RBFOX1: variants seen among roughly 807,000 people sequenced by gnomAD.
RBFOX1 encodes RNA binding fox-1 homolog 1.
In RBFOX1, 8 loss-of-function variants were observed where a neutral mutation model predicts 57.7. The ratio of observed to expected loss-of-function variants is 0.14; its 90% CI spans 0.08 to 0.25. The LOEUF is 0.25. RBFOX1 is among the 10% of genes least tolerant of loss of function. The probability of loss-of-function intolerance (pLI) is 1.00; values close to 1 mark genes in which losing one functional copy is unlikely to be tolerated. For synonymous variants in RBFOX1, 326 were observed against 222.4 expected, an observed-to-expected ratio of 1.47 and a Z score of -4.15; for missense variants, 611 against 548.5, an observed-to-expected ratio of 1.11 and a Z score of -1.14.
chr16:6,719,405 A>C (rs1178913831), intron 3 of RBFOX1, among the ~76,000 whole-genome samples: 2 of 151,994 alleles, frequency 1.3e-5, no homozygotes, highest in African/African-American at 4.8e-5. Flanking sequence ...TAATAGTTTA[A>C]AAGTTTTAAA....
At chr16:6,004,886 A>G (rs1246222341) in intron 4 of RBFOX1, among the ~76,000 whole-genome samples, 2 of 152,178 alleles carry the variant, frequency 1.3e-5, no homozygotes, top group African/African-American at 2.4e-5. Context: ...TGATGTGTGC[A>G]TTTCTTAGTC....
rs574311373 is a variant in RBFOX1 at position 6,259,341 on chromosome 16, G to A, written c.-126-57654G>A. 2.6e-5 allele frequency among the ~76,000 whole-genome samples: 4 copies of A among 152,198 alleles called. No individual in the cohort carries two copies. In the South Asian group the frequency reaches 8.3e-4, roughly 32 times the overall value. ...CTCTCCTCTCTAGCCGTTAGGCAGAGTTCAATAACTGATGTCTTGAAAAAC... is the reference window on the plus strand; with the variant it reads ...CTCTCCTCTCTAGCCGTTAGGCAGAATTCAATAACTGATGTCTTGAAAAAC... On this transcript the variant is annotated intron_variant, in intron 1 of 15. Coordinates refer to ENST00000550418, the MANE Select transcript of RBFOX1 (RefSeq NM_018723.4).
At chr16:6,622,935 T>G (rs1056330142) in intron 2 of RBFOX1, among the ~76,000 whole-genome samples, 1 of 152,210 alleles carries the variant, frequency 6.6e-6, no homozygotes, top group African/African-American at 2.4e-5. Context: ...TGCACTTAAT[T>G]CTCTCAGGGT....
intron 2 of RBFOX1, among the ~76,000 whole-genome samples, chr16:6,487,471 A>T (rs1401527839): frequency 6.6e-6 from 1 of 151,510 alleles, no homozygotes; most frequent in Non-Finnish European, 1.5e-5. Flanking sequence ...TTGTAACATA[A>T]TTTTGTGCTT....
intron 4 of RBFOX1, among the ~76,000 whole-genome samples, chr16:7,052,664 C>T (rs772941598): frequency 5.9e-5 from 9 of 152,152 alleles, no homozygotes; most frequent in South Asian, 2.1e-4. Context: ...TCAGGCATAT[C>T]GGTGTAAGAA....
intron 1 of RBFOX1, among the ~76,000 whole-genome samples, chr16:6,158,338 G>T (rs1314008483): frequency 1.3e-5 from 2 of 152,184 alleles, no homozygotes; most frequent in African/African-American, 2.4e-5. Context: ...AGGCTGTTTT[G>T]TTCTGTGTCA....
chr16:7,043,039 C>T (rs541975837), intron 3 of RBFOX1, among the ~76,000 whole-genome samples: 24 of 143,962 alleles, frequency 1.7e-4, no homozygotes, highest in Non-Finnish European at 3.1e-4. Flanking sequence ...TTCCATCCTC[C>T]ACCCCCCACA....
At chr16:5,700,074 T>C (rs1039089941) in intron 3 of RBFOX1, among the ~76,000 whole-genome samples, 21 of 152,160 alleles carry the variant, frequency 1.4e-4, no homozygotes, top group South Asian at 4.1e-4. Context: ...CCTCATGATC[T>C]GCCCGCCTTG....
At chr16:5,515,778 G>C (rs765295530) in intron 2 of RBFOX1, among the ~76,000 whole-genome samples, 16 of 152,166 alleles carry the variant, frequency 1.1e-4, no homozygotes, top group Non-Finnish European at 2.2e-4. Context: ...CTCTTGAAAA[G>C]TACCATGCCA....
chr16:6,069,871 C>T (rs1416533295), intron 1 of RBFOX1, among the ~76,000 whole-genome samples: 1 of 151,946 alleles, frequency 6.6e-6, no homozygotes, highest in Non-Finnish European at 1.5e-5. Flanking sequence ...CCTGTAATCC[C>T]AGCTATTCGG....
intron 1 of RBFOX1, among the ~76,000 whole-genome samples, chr16:6,259,679 C>T (rs1347560228): frequency 5.3e-5 from 8 of 152,010 alleles, no homozygotes; most frequent in Non-Finnish European, 7.4e-5. Flanking sequence ...ACACTGGGGC[C>T]GGGTGCAGTG....
chr16:7,467,688 A>C (rs2060778330), intron 4 of RBFOX1, among the ~76,000 whole-genome samples: 1 of 152,194 alleles, frequency 6.6e-6, no homozygotes, highest in Non-Finnish European at 1.5e-5. Flanking sequence ...ACCTACAGAA[A>C]AGTGGGGATA....
intron 2 of RBFOX1, among the ~76,000 whole-genome samples, chr16:6,544,059 C>T (rs1474220907): frequency 6.6e-6 from 1 of 152,214 alleles, no homozygotes; most frequent in East Asian, 1.9e-4. Flanking sequence ...TTCTAGGTGT[C>T]TGTCTTGTGT....
At chr16:6,172,392 C>G (rs77603804) in intron 1 of RBFOX1, among the ~76,000 whole-genome samples, 4 of 152,280 alleles carry the variant, frequency 2.6e-5, no homozygotes, top group East Asian at 1.9e-4. Context: ...TGCTTCATCT[C>G]TCGTTTACAG....
intron 2 of RBFOX1, among the ~76,000 whole-genome samples, chr16:6,371,420 C>G (rs919667907): frequency 1.2e-4 from 18 of 152,040 alleles, no homozygotes; most frequent in Non-Finnish European, 2.5e-4. Context: ...TGTTTTTATT[C>G]TATGAACTAC....
intron 14 of RBFOX1, among the ~76,000 whole-genome samples, chr16:7,698,725 A>G (rs1216292825): frequency 1.3e-5 from 2 of 152,154 alleles, no homozygotes; most frequent in Non-Finnish European, 2.9e-5. Flanking sequence ...CATTTCCAAT[A>G]AAGTGTGATA....
chr16:7,032,540 C>T lies in RBFOX1; in HGVS notation c.-15-19517C>T, dbSNP rs7196795. On this transcript the variant is annotated intron_variant, in intron 3 of 15. Transcript: ENST00000550418. Reference sequence around the variant, plus strand: ...TGGTCATGAGCAAATTACAGATCAGCTAAATCTTATGTGGGAACATCTCCC... The same window carrying T: ...TGGTCATGAGCAAATTACAGATCAGTTAAATCTTATGTGGGAACATCTCCC... Among the ~76,000 whole-genome samples, 901 of 152,170 alleles carry T rather than the reference C, an allele frequency of 5.9e-3. 7 individuals are homozygous for T. The highest frequency in any genetic ancestry group is 0.021 in the African/African-American group (863 of 41,546).
intron 2 of RBFOX1, among the ~76,000 whole-genome samples, chr16:6,557,370 C>G (rs545878555): frequency 1.3e-5 from 2 of 151,950 alleles, no homozygotes; most frequent in African/African-American, 2.4e-5. Context: ...AAGAATTATA[C>G]TCAAATCGTA....
chr16:7,479,974 A>G (rs2063546876), intron 4 of RBFOX1, among the ~76,000 whole-genome samples: 1 of 152,236 alleles, frequency 6.6e-6, no homozygotes, highest in Non-Finnish European at 1.5e-5. Context: ...GGGCTTGGTC[A>G]GAAGTGAGGC....
Sources: allele counts gnomAD v4.1 joint callset (sites outside exome capture counted in the v4.1 genomes callset), GRCh38; gene constraint gnomAD v4.1.1; transcripts MANE v1.5; gene names NCBI Gene and HGNC (gene_info 2026-07-23, HGNC 2026-07-21).